Variants in DIS3L2 observed in about 807,000 individuals in gnomAD.
The protein encoded by DIS3L2 is DIS3-like exonuclease 2.
DIS3L2 carries 34 observed loss-of-function variants against 97.5 expected under a neutral mutation model. The ratio of observed to expected loss-of-function variants is 0.35; its 90% CI spans 0.27 to 0.46. DIS3L2 has a LOEUF of 0.46. Ranked by LOEUF, DIS3L2 falls within the 20% of genes least tolerant of loss-of-function variation. The pLI is 1.00. For synonymous variants in DIS3L2, 435 were observed against 445.2 expected (o/e 0.98, Z 0.29); for missense variants, 1,038 against 1,146.0 (o/e 0.91, Z 1.36).
chr2:232,342,498 A>G (rs979946871), intron 13 of DIS3L2, among the ~76,000 whole-genome samples: 2 of 152,346 alleles, frequency 1.3e-5, no homozygotes, highest in Non-Finnish European at 2.9e-5. Flanking sequence ...ACATTCACAT[A>G]TAACTTGGAC....
intron 1 of DIS3L2, among the ~76,000 whole-genome samples, chr2:231,967,018 T>A (rs530075340): frequency 1.1e-4 from 16 of 152,164 alleles, no homozygotes; most frequent in Non-Finnish European, 1.9e-4. Context: ...TCCACCTACT[T>A]TTGATTTCTT....
chr2:232,067,329 G>C (rs1695879646), intron 5 of DIS3L2, among the ~76,000 whole-genome samples: 1 of 152,084 alleles, frequency 6.6e-6, no homozygotes, highest in South Asian at 2.1e-4. Flanking sequence ...ATGTTAGCGT[G>C]TTGTATTTTT....
intron 7 of DIS3L2, chr2:232,131,225 A>G (rs1024119370): frequency 1.3e-5 from 2 of 152,254 alleles, no homozygotes; most frequent in Non-Finnish European, 2.9e-5. Context: ...CATTTTGCAC[A>G]ATTCACTTGT....
At chr2:232,049,825 G>A (rs2167980) in intron 5 of DIS3L2, among the ~76,000 whole-genome samples, 4 of 152,014 alleles carry the variant, frequency 2.6e-5, no homozygotes, top group Non-Finnish European at 2.9e-5. Context: ...GACACTTTGC[G>A]TTGGGCACAG....
chr2:232,069,030 T>C (rs1695936431), intron 5 of DIS3L2, among the ~76,000 whole-genome samples: 1 of 152,120 alleles, frequency 6.6e-6, no homozygotes, highest in Non-Finnish European at 1.5e-5. Context: ...TTGGCCAGGC[T>C]AGTCTCAATC....
intron 5 of DIS3L2, among the ~76,000 whole-genome samples, chr2:232,033,270 G>T (rs960684133): frequency 5.3e-5 from 8 of 151,444 alleles, no homozygotes; most frequent in Non-Finnish European, 1.0e-4. Flanking sequence ...TCATGATTTG[G>T]CACTCCATTA....
intron 14 of DIS3L2, among the ~76,000 whole-genome samples, chr2:232,317,933 G>C (rs753461614): frequency 6.6e-6 from 1 of 152,238 alleles, no homozygotes; most frequent in Non-Finnish European, 1.5e-5. Flanking sequence ...CTGCGAGGTA[G>C]GTAGAAGAAG....
chr2:232,141,260 T>G (rs528368253), intron 8 of DIS3L2, among the ~76,000 whole-genome samples: 1 of 152,238 alleles, frequency 6.6e-6, no homozygotes, highest in South Asian at 2.1e-4. Context: ...GATAGCATGG[T>G]CACTTTCTCC....
At chr2:232,158,335 G>GTGTA (rs751126867) in intron 8 of DIS3L2, among the ~76,000 whole-genome samples, 2 of 145,200 alleles carry the variant, frequency 1.4e-5, no homozygotes, top group Non-Finnish European at 3.0e-5. Context: ...GTGTGTGTGT[G>GTGTA]CATGTGTGTG....
chr2:232,338,919 C>T (rs1404314872), downstream of DIS3L2, among the ~76,000 whole-genome samples: 2 of 152,398 alleles, frequency 1.3e-5, no homozygotes, highest in Admixed American at 6.5e-5. Context: ...GGGCACAGAG[C>T]GAGACTGTCT....
intron 5 of DIS3L2, among the ~76,000 whole-genome samples, chr2:232,077,949 TTCTTTCTC>T (rs1559601979): frequency 7.6e-5 from 11 of 145,306 alleles, no homozygotes. Context: ...TTCTTTTTCT[TTCTTTCTC>T]TTTCTTTCTT....
intron 1 of DIS3L2, among the ~76,000 whole-genome samples, chr2:231,973,045 T>C (rs1296229099): frequency 2.0e-4 from 30 of 152,242 alleles, no homozygotes; most frequent in Admixed American, 2.0e-3. Flanking sequence ...TTGAATGAAT[T>C]GGAAAATGTT....
rs1200378505 is a variant in DIS3L2, at chr2:232,325,781, T to C, written c.1740-4032T>C. Reference sequence around the variant, plus strand: ...AGCAGTTGTCAGGCAGTCCCTGAGCTCCAGCGCCCCATCCCCCGCAGGGCC... The same window carrying C: ...AGCAGTTGTCAGGCAGTCCCTGAGCCCCAGCGCCCCATCCCCCGCAGGGCC... On this transcript the variant is annotated intron_variant, in intron 14 of 20. Transcript: ENST00000325385. This position sits in a 1 kb window ranked among gnomAD's most constrained non-coding sequence, Gnocchi z 4.6. Among the ~76,000 whole-genome samples, 1 of 152,178 alleles carries C rather than the reference T, an allele frequency of 6.6e-6. No individual in the cohort carries two copies. Among genetic ancestry groups the C allele is most frequent in the Non-Finnish European group, 1.5e-5 (1 of 68,012 alleles).
At chr2:232,197,838 T>C (rs1275273964) in intron 9 of DIS3L2, among the ~76,000 whole-genome samples, 3 of 151,858 alleles carry the variant, frequency 2.0e-5, no homozygotes, top group Non-Finnish European at 4.4e-5. Context: ...TGGTGGCACG[T>C]GCTCCTAGCT....
At position 232,100,418 on chromosome 2, in the gene DIS3L2, G is replaced by C. The variant is rs903218310; in HGVS notation, c.601+12697G>C. On this transcript the variant is annotated intron_variant, in intron 6 of 20. Coordinates refer to ENST00000325385, the MANE Select transcript of DIS3L2 (RefSeq NM_152383.5). The stretch of plus-strand genomic sequence containing the variant: ...TTAATTTAATTTCTTATTTTCCAGG[G>C]ATGTTGCTTTTTTGCCCTTTCCCCA... Among the ~76,000 whole-genome samples, 54 of 151,790 alleles carry C rather than the reference G, an allele frequency of 3.6e-4. 1 individual carries two copies. Among genetic ancestry groups the C allele is most frequent in the Admixed American group, 3.3e-4 (5 of 15,248 alleles).
intron 10 of DIS3L2, among the ~76,000 whole-genome samples, chr2:232,218,994 T>C (rs189307097): frequency 5.3e-4 from 80 of 152,348 alleles, no homozygotes; most frequent in African/African-American, 1.7e-3. Context: ...GGCTGGTCAC[T>C]GCAGGCTCTG....
intron 14 of DIS3L2, 30 bp from the exon 15 acceptor site, chr2:232,329,783 G>A (rs376354864): frequency 6.3e-5 from 70 of 1,116,432 alleles, no homozygotes; most frequent in Admixed American, 2.9e-5. Flanking sequence ...AAACCCCAGC[G>A]GTCCCTCCCA....
intron 1 of DIS3L2, among the ~76,000 whole-genome samples, chr2:231,969,139 A>G (rs141772701): frequency 0.014 from 2,182 of 152,176 alleles, 53 homozygotes; most frequent in African/African-American, 0.045. Flanking sequence ...TAAATTACCC[A>G]GTCTTGGGTA....
chr2:232,233,980 A>C (rs1334791957), intron 10 of DIS3L2, among the ~76,000 whole-genome samples: 1 of 152,230 alleles, frequency 6.6e-6, no homozygotes, highest in Non-Finnish European at 1.5e-5. Context: ...AGTCTCTGCC[A>C]GGACTTCTGA....
Sources: gnomAD v4.1 joint callset for allele counts (sites outside exome capture counted in the v4.1 genomes callset) on GRCh38, gnomAD v4.1.1 for gene constraint, Gnocchi (gnomAD v3.1) non-coding constraint, MANE v1.5 for transcripts, NCBI Gene and HGNC (gene_info 2026-07-23, HGNC 2026-07-21) for gene names.